The following TMEM156 variants were observed in gnomAD, a reference collection of about 807,000 sequenced individuals.
TMEM156 encodes the protein transmembrane protein 156.
A neutral mutation model predicts 30.5 loss-of-function variants in TMEM156; 28 were observed. The observed-to-expected ratio is 0.92, with a 90% CI of 0.68 to 1.26. The LOEUF is 1.26. Ranked by LOEUF, TMEM156 falls within the 50% of genes most tolerant of loss-of-function variation. TMEM156 has a pLI of 0.00. For synonymous variants in TMEM156, 137 were observed against 119.9 expected, an observed-to-expected ratio of 1.14 and a Z score of -0.93; for missense variants, 351 against 340.6, an observed-to-expected ratio of 1.03 and a Z score of -0.24.
intron 2 of TMEM156, among the ~76,000 whole-genome samples, chr4:38,998,114 T>C (rs1236964257): frequency 2.0e-5 from 3 of 152,180 alleles, no homozygotes; most frequent in African/African-American, 7.2e-5. Flanking sequence ...TGAATTACAG[T>C]GGCATTTTGA....
chr4:39,031,646 G>A (rs1196422329), intron 1 of TMEM156, among the ~76,000 whole-genome samples: 1 of 152,062 alleles, frequency 6.6e-6, no homozygotes, highest in Non-Finnish European at 1.5e-5. Flanking sequence ...AGCATTTTGG[G>A]AGGCCGAGGT....
At chr4:39,022,691 T>C (rs545468880) in intron 1 of TMEM156, among the ~76,000 whole-genome samples, 1 of 152,320 alleles carries the variant, frequency 6.6e-6, no homozygotes, top group East Asian at 1.9e-4. Context: ...TTGTAGAATA[T>C]CTTTCCATAA....
At chr4:38,987,472 G>T (rs192688985) in intron 4 of TMEM156, among the ~76,000 whole-genome samples, 2 of 152,344 alleles carry the variant, frequency 1.3e-5, no homozygotes, top group Admixed American at 1.3e-4. Context: ...CACTTGATAT[G>T]AAACTGCTCT....
At chr4:39,027,551 CTTT>C (rs71192813) in intron 1 of TMEM156, among the ~76,000 whole-genome samples, 939 of 79,078 alleles carry the variant, frequency 0.012, 9 homozygotes, top group African/African-American at 0.044. Flanking sequence ...TATACTATTC[CTTT>C]TTTTTTTTTT....
chr4:39,014,697 G>A (rs1384508498), intron 1 of TMEM156, among the ~76,000 whole-genome samples: 1 of 149,676 alleles, frequency 6.7e-6, no homozygotes, highest in East Asian at 2.0e-4. Flanking sequence ...GGCTGAGGTT[G>A]CAGTGAGCGG....
At chr4:39,008,696 C>CA (rs1713907334) in intron 1 of TMEM156, among the ~76,000 whole-genome samples, 1 of 151,984 alleles carries the variant, frequency 6.6e-6, no homozygotes, top group African/African-American at 2.4e-5. Context: ...TGAATGAAAT[C>CA]AAAAAATTCT....
At chr4:38,993,205 G>A (rs1198021351) in intron 3 of TMEM156, among the ~76,000 whole-genome samples, 1 of 152,042 alleles carries the variant, frequency 6.6e-6, no homozygotes, top group Non-Finnish European at 1.5e-5. Flanking sequence ...CAAGGCAGGT[G>A]GATTGCTTAA....
At chr4:38,986,853 G>GAAAAAAAAAAAAAAAAAAAAA (rs1712036216) in intron 4 of TMEM156, among the ~76,000 whole-genome samples, 1 of 84,126 alleles carries the variant, frequency 1.2e-5, no homozygotes, top group African/African-American at 4.3e-5. Context: ...AAAAAAAAAG[G>GAAAAAAAAAAAAAAAAAAAAA]AAAGCGACAG....
chr4:39,001,222 A>G (rs1391520089), intron 1 of TMEM156, among the ~76,000 whole-genome samples: 2 of 149,760 alleles, frequency 1.3e-5, no homozygotes, highest in African/African-American at 2.4e-5. Flanking sequence ...TACAAAAAAA[A>G]AAAAAAAAGA....
chr4:39,019,436 TTTGTTCCTTGCTCATA>T (rs1714716437), intron 1 of TMEM156, among the ~76,000 whole-genome samples: 1 of 152,212 alleles, frequency 6.6e-6, no homozygotes, highest in Non-Finnish European at 1.5e-5. Flanking sequence ...TTTAATAGTC[TTTGTTCCTTGCTCATA>T]TTGTTTTTTA....
At chr4:38,984,321 C>T (rs1560360146) in intron 5 of TMEM156, among the ~76,000 whole-genome samples, 2 of 133,530 alleles carry the variant, frequency 1.5e-5, no homozygotes, top group African/African-American at 7.0e-5. Context: ...CTCTCTCTCT[C>T]TCTTTCTCTC....
intron 5 of TMEM156, among the ~76,000 whole-genome samples, chr4:38,985,891 T>G (rs1468718380): frequency 6.6e-6 from 1 of 152,214 alleles, no homozygotes; most frequent in Non-Finnish European, 1.5e-5. Context: ...TTTCTGTTTC[T>G]CAGGAGAGGA....
intron 5 of TMEM156, chr4:38,981,135 C>T (rs6811642): frequency 0.51 from 83,902 of 163,800 alleles, 22,472 homozygotes; most frequent in African/African-American, 0.68. Context: ...TAAATTTTCA[C>T]GTTATCTTTC....
intron 6 of TMEM156, among the ~76,000 whole-genome samples, chr4:38,969,582 C>T (rs955901306): frequency 1.3e-5 from 2 of 151,818 alleles, no homozygotes; most frequent in Non-Finnish European, 2.9e-5. Context: ...TTTCTTTTTC[C>T]GTTTCTTTCT....
chr4:38,992,929 T>A (rs76690411), intron 3 of TMEM156, among the ~76,000 whole-genome samples: 17,835 of 149,626 alleles, frequency 0.12, 1,182 homozygotes, highest in East Asian at 0.2. Context: ...ACCCAGCTAA[T>A]TTTTTATATT....
intron 3 of TMEM156, among the ~76,000 whole-genome samples, chr4:38,990,830 G>GATTTTTTTTTTTTTTTTT (rs1712372606): frequency 2.5e-5 from 2 of 81,230 alleles, no homozygotes; most frequent in African/African-American, 9.2e-5. Flanking sequence ...TTGTTTTCTG[G>GATTTTTTTTTTTTTTTTT]TTTTTTTTTT....
chr4:38,988,751 T>C (rs1426697996), intron 4 of TMEM156, 100 bp downstream of exon 4: 65 of 1,469,930 alleles, frequency 4.4e-5, no homozygotes, highest in Middle Eastern at 1.7e-4. Context: ...TCACCACTTA[T>C]TCACAGTAGG....
intron 5 of TMEM156, among the ~76,000 whole-genome samples, chr4:38,979,379 G>A (rs144218960): frequency 3.8e-4 from 58 of 152,322 alleles, no homozygotes; most frequent in East Asian, 3.1e-3. Flanking sequence ...TGTGGCTTTC[G>A]CAAAGCTAGT....
intron 1 of TMEM156, among the ~76,000 whole-genome samples, chr4:38,999,119 T>TATTTATTTA (rs58604414): frequency 2.4e-5 from 3 of 124,618 alleles, no homozygotes; most frequent in African/African-American, 8.5e-5. Context: ...TATTTTTTTT[T>TATTTATTTA]TTTTTTTTTT....
Sources: allele counts gnomAD v4.1 joint callset (sites outside exome capture counted in the v4.1 genomes callset), GRCh38; gene constraint gnomAD v4.1.1; transcripts MANE v1.5; gene names NCBI Gene and HGNC (gene_info 2026-07-23, HGNC 2026-07-21).